The following PCDHGA7 variants were observed in gnomAD, a reference collection of about 807,000 sequenced individuals.
The protein encoded by PCDHGA7 is protocadherin gamma subfamily A, 7, also known as protocadherin gamma-A7.
A neutral mutation model predicts 58.3 loss-of-function variants in PCDHGA7; 44 were observed. The ratio of observed to expected loss-of-function variants is 0.75; its 90% CI spans 0.59 to 0.97. The LOEUF (loss-of-function observed/expected upper bound fraction) is 0.97, where lower values mean the gene tolerates loss of function less well. Ranked by LOEUF, PCDHGA7 falls within the 50% of genes least tolerant of loss-of-function variation. The probability of loss-of-function intolerance (pLI) is 0.00; values close to 1 mark genes in which losing one functional copy is unlikely to be tolerated. For synonymous variants in PCDHGA7, 516 were observed against 504.2 expected, an observed-to-expected ratio of 1.02 and a Z score of -0.31; for missense variants, 1,266 against 1,188.7, an observed-to-expected ratio of 1.06 and a Z score of -0.96.
intron 1 of PCDHGA7, chr5:141,418,387 G>T: frequency 1.9e-6 from 3 of 1,614,002 alleles, no homozygotes; most frequent in Non-Finnish European, 2.5e-6. Flanking sequence ...GTCCTAACGA[G>T]TATTTCTCAT....
At chr5:141,441,848 T>C (rs1034278597) in intron 1 of PCDHGA7, 2 of 356,906 alleles carry the variant, frequency 5.6e-6, no homozygotes, top group South Asian at 2.4e-5. Context: ...CTCTTGGATA[T>C]GGTGCTGCAC....
chr5:141,490,346 TG>T lies in PCDHGA7; in HGVS notation c.2425-4457del, dbSNP rs1458588422. ...GAGAGCACACCAGTGGGCACAGTAG[TG>T]GGGTTGTTTAATGTGCGAGACCGGG... On this transcript the variant is annotated intron_variant, in intron 1 of 3. Coordinates refer to ENST00000518325, the MANE Select transcript of PCDHGA7 (RefSeq NM_018920.4). The surrounding 1 kb of genome is among the most constrained non-coding windows in gnomAD (Gnocchi z 5.4). 1.2e-6 allele frequency: 2 copies of T among 1,614,164 alleles called. No individual in the cohort carries two copies. The highest frequency in any genetic ancestry group is 3.3e-5 in the Admixed American group (2 of 60,032).
At chr5:141,510,863 A>G in intron 3 of PCDHGA7, 84 bp from the exon 4 acceptor site, 1 of 1,607,492 alleles carries the variant, frequency 6.2e-7, no homozygotes, top group African/African-American at 1.3e-5. Flanking sequence ...CTGTATAGGC[A>G]TTCATTAACT....
chr5:141,489,206 C>A lies in PCDHGA7; in HGVS notation c.2425-5601C>A. On this transcript the variant is annotated intron_variant, in intron 1 of 3. Transcript: ENST00000518325. This position sits in a 1 kb window ranked among gnomAD's most constrained non-coding sequence, Gnocchi z 4.5. ...TGGGTCTACCTTGGAGACAGGACAG[C>A]ACAGACTTACTCTCCACAAAGGGAC... 2 of 1,439,024 alleles carry A rather than the reference C, an allele frequency of 1.4e-6. No individual in the cohort carries two copies. Among genetic ancestry groups the A allele is most frequent in the Non-Finnish European group, 1.9e-6 (2 of 1,060,928 alleles). 89.1% of individuals were successfully genotyped at this position (1,439,024 alleles called of 1,614,324 possible). A position where few individuals can be genotyped will look rare whatever the true frequency, so the allele number is the denominator to read the frequency against.
chr5:141,415,496 T>C, intron 1 of PCDHGA7: 1 of 1,614,070 alleles, frequency 6.2e-7, no homozygotes. Flanking sequence ...CACCTGATCT[T>C]CCCCCAGCCC....
intron 1 of PCDHGA7, chr5:141,418,101 G>A (rs965772298): frequency 3.7e-6 from 6 of 1,614,082 alleles, no homozygotes; most frequent in Non-Finnish European, 5.1e-6. Flanking sequence ...GACGCGCAGA[G>A]CGGGGACTTA....
intron 1 of PCDHGA7, among the ~76,000 whole-genome samples, chr5:141,464,265 AAAAAAAAAAAAAGC>A (rs1446781862): frequency 7.4e-6 from 1 of 135,276 alleles, no homozygotes; most frequent in Non-Finnish European, 1.6e-5. Flanking sequence ...ACTCCGTCTA[AAAAAAAAAAAAAGC>A]AAAAAAAAAA....
chr5:141,447,558 G>T (rs551305232), intron 1 of PCDHGA7, among the ~76,000 whole-genome samples: 1 of 152,264 alleles, frequency 6.6e-6, no homozygotes, highest in African/African-American at 2.4e-5. Context: ...GAGTACACTT[G>T]GAGGATTCTA....
chr5:141,472,979 T>TAAAA (rs2099307936), intron 1 of PCDHGA7, among the ~76,000 whole-genome samples: 1 of 21,094 alleles, frequency 4.7e-5, no homozygotes, highest in Non-Finnish European at 9.8e-5. Context: ...AGAGTGAAAC[T>TAAAA]CAAAAAAAAA....
chr5:141,395,750 G>C (rs1308444906), intron 1 of PCDHGA7: 3 of 152,888 alleles, frequency 2.0e-5, no homozygotes, highest in African/African-American at 7.3e-5. Flanking sequence ...TCTTTTCTGA[G>C]CCCTGTTTCT....
rs1317717658 is a variant in PCDHGA7, at chr5:141,476,494, G to A, written c.2425-18313G>A. On this transcript the variant is annotated intron_variant, in intron 1 of 3. Coordinates refer to ENST00000518325, the MANE Select transcript of PCDHGA7 (RefSeq NM_018920.4). The surrounding 1 kb of genome is among the most constrained non-coding windows in gnomAD (Gnocchi z 7.6). ...TGTTCAGCGTGGAAGTGGTGATCCA[G>A]GACATCAACGACAACAATCCTGCTT... The A allele has an allele frequency of 6.2e-7, 1 of 1,614,012 alleles. No individual in the cohort carries two copies. The highest frequency in any genetic ancestry group is 8.5e-7 in the Non-Finnish European group (1 of 1,179,988).
Position 141,487,165 on chromosome 5 carries a change from C to T in PCDHGA7, c.2425-7642C>T, listed in dbSNP as rs1014219030. The T allele has an allele frequency of 1.9e-6, 3 of 1,612,932 alleles. No homozygotes were observed. The highest frequency in any genetic ancestry group is 2.5e-6 in the Non-Finnish European group (3 of 1,178,918). On this transcript the variant is annotated intron_variant, in intron 1 of 3. Coordinates refer to ENST00000518325, the MANE Select transcript of PCDHGA7 (RefSeq NM_018920.4). The surrounding 1 kb of genome is among the most constrained non-coding windows in gnomAD (Gnocchi z 5.0). ...CTACCTCTGTTACTCTCTTAGTGTC[C>T]TTAGAGGAAGACACTCATCCAGTTG...
chr5:141,487,595 G>C lies in PCDHGA7; in HGVS notation c.2425-7212G>C. ...TGTTCGCCCAAGCTGCCCACCCTCT[G>C]ATCTTCTCTATGGGCTAGAGGTGAG... On this transcript the variant is annotated intron_variant, in intron 1 of 3. Coordinates refer to ENST00000518325, the MANE Select transcript of PCDHGA7 (RefSeq NM_018920.4). The surrounding 1 kb of genome is among the most constrained non-coding windows in gnomAD (Gnocchi z 5.0). 1 of 1,614,202 alleles carries C rather than the reference G, an allele frequency of 6.2e-7. No homozygotes were observed. The highest frequency in any genetic ancestry group is 8.5e-7 in the Non-Finnish European group (1 of 1,180,038).
At chr5:141,403,056 T>A in intron 1 of PCDHGA7, 1 of 1,614,046 alleles carries the variant, frequency 6.2e-7, no homozygotes, top group Non-Finnish European at 8.5e-7. Flanking sequence ...CGCTACTCAG[T>A]GCCTGAAGAG....
Position 141,431,335 on chromosome 5 carries a change from C to G in PCDHGA7, c.2424+46012C>G, listed in dbSNP as rs747132346. On this transcript the variant is annotated intron_variant, in intron 1 of 3. Transcript: ENST00000518325. The surrounding 1 kb of genome is among the most constrained non-coding windows in gnomAD (Gnocchi z 4.8). ...ATGGAGCCGACGGTAGTAAGTACCC[C>G]GAATTGGTGCTGAAACGCGCCCTGG... 2 of 1,614,062 alleles carry G rather than the reference C, an allele frequency of 1.2e-6. No homozygotes were observed. Among genetic ancestry groups the G allele is most frequent in the Non-Finnish European group, 1.7e-6 (2 of 1,180,022 alleles).
chr5:141,393,682 C>T (rs756181553), intron 1 of PCDHGA7: 18 of 1,613,870 alleles, frequency 1.1e-5, no homozygotes, highest in Non-Finnish European at 1.3e-5. Context: ...AAACAAACTC[C>T]GTTATTCCAG....
At chr5:141,488,139 T>C (rs906194527) in intron 1 of PCDHGA7, among the ~76,000 whole-genome samples, 2 of 152,084 alleles carry the variant, frequency 1.3e-5, no homozygotes, top group Non-Finnish European at 2.9e-5. Context: ...AGGAGAGAAC[T>C]AAAGGAATAG....
At chr5:141,392,728 G>A in intron 1 of PCDHGA7, 3 of 1,407,730 alleles carry the variant, frequency 2.1e-6, no homozygotes, top group Non-Finnish European at 2.8e-6. Flanking sequence ...CCGGAGGATT[G>A]TCATCTCCAT....
chr5:141,392,641 C>A, intron 1 of PCDHGA7: 2 of 655,502 alleles, frequency 3.1e-6, no homozygotes, highest in East Asian at 5.8e-5. Flanking sequence ...TCACACCTCA[C>A]GAAGACCCGC....
Sources: gnomAD v4.1 joint callset for allele counts (sites outside exome capture counted in the v4.1 genomes callset) on GRCh38, gnomAD v4.1.1 for gene constraint, Gnocchi (gnomAD v3.1) non-coding constraint, MANE v1.5 for transcripts, NCBI Gene and HGNC (gene_info 2026-07-23, HGNC 2026-07-21) for gene names.